The following RYR2 variants were observed in gnomAD, a reference collection of about 807,000 sequenced individuals.
The protein encoded by RYR2 is cardiac muscle ryanodine receptor-calcium release channel.
RYR2 carries 227 observed loss-of-function variants against 601.1 expected under a neutral mutation model. That is an observed-to-expected ratio of 0.38 (90% CI 0.34 to 0.42). The LOEUF (loss-of-function observed/expected upper bound fraction) is 0.42. Among genes scored for constraint, RYR2 ranks in the 10% least tolerant of loss-of-function variants. The probability of loss-of-function intolerance (pLI) is 1.00; values close to 1 mark genes in which losing one functional copy is unlikely to be tolerated. For synonymous variants in RYR2, 2,223 were observed against 2,175.1 expected (o/e 1.02, Z -0.61); for missense variants, 4,646 against 6,156.5 (o/e 0.75, Z 8.21).
chr1:237,153,597 G>A (rs987395395), intron 1 of RYR2, among the ~76,000 whole-genome samples: 4 of 109,580 alleles, frequency 3.7e-5, no homozygotes. Flanking sequence ...TGTATGTGTA[G>A]CATTTTTTTT....
chr1:237,783,529 TATAA>T, intron 89 of RYR2, 142 bp from the exon 90 acceptor site: 4 of 593,138 alleles, frequency 6.7e-6, no homozygotes, highest in Non-Finnish European at 9.0e-6. Flanking sequence ...AACTATAGTT[TATAA>T]ATAATTATCT....
Position 237,778,738 on chromosome 1 carries a change from G to GTGTT in RYR2, c.11851_11854dup (p.Ala3952ValfsTer16). The GTGTT allele has an allele frequency of 6.2e-7, 1 of 1,610,540 alleles. No individual in the cohort carries two copies. Among genetic ancestry groups the GTGTT allele is most frequent in the Non-Finnish European group, 8.5e-7 (1 of 1,176,882 alleles). ...GGATGCTGTGGTCGGCTTTCTTCAT[G>GTGTT]TGTTTGCCCATATGCAGATGAAGCT... On this transcript the variant is annotated frameshift_variant, in exon 88 of 105. Transcript: ENST00000366574. LOFTEE classifies it high-confidence loss of function.
At chr1:237,633,813 C>T (rs1422721151) in intron 43 of RYR2, 103 bp downstream of exon 43, 2 of 1,123,590 alleles carry the variant, frequency 1.8e-6, no homozygotes, top group African/African-American at 3.2e-5. Context: ...CCTGAATAGA[C>T]ATTTCACAAA....
At chr1:237,404,808 A>G (rs1326108891) in intron 10 of RYR2, among the ~76,000 whole-genome samples, 4 of 152,204 alleles carry the variant, frequency 2.6e-5, no homozygotes, top group Non-Finnish European at 4.4e-5. Flanking sequence ...TTCTGCCATG[A>G]TTGATGAAGT....
At chr1:237,389,306 TA>T (rs1463284501) in intron 10 of RYR2, among the ~76,000 whole-genome samples, 2 of 152,094 alleles carry the variant, frequency 1.3e-5, no homozygotes, top group African/African-American at 4.8e-5. Flanking sequence ...CCAGAGTGAT[TA>T]GGGGGAAAAT....
At chr1:237,238,342 G>T (rs1336457040) in intron 1 of RYR2, among the ~76,000 whole-genome samples, 1 of 152,048 alleles carries the variant, frequency 6.6e-6, no homozygotes. Flanking sequence ...CAACAGCTTC[G>T]AGTTGTCCAG....
At chr1:237,493,516 G>A (rs1244913428) in intron 19 of RYR2, among the ~76,000 whole-genome samples, 2 of 152,022 alleles carry the variant, frequency 1.3e-5, no homozygotes, top group African/African-American at 2.4e-5. Flanking sequence ...GCAGTGGCAC[G>A]ATCTCGGCTC....
rs71180022 is a variant in RYR2, at chr1:237,395,533, C to CTTTTTTTTTT, written c.773+7372_773+7381dup. Among the ~76,000 whole-genome samples the CTTTTTTTTTT allele has an allele frequency of 1.0e-3, 91 of 87,416 alleles. 3 individuals are homozygous for CTTTTTTTTTT. Among genetic ancestry groups the CTTTTTTTTTT allele is most frequent in the Non-Finnish European group, 1.4e-3 (67 of 46,734 alleles). The allele number at this position is 87,416 out of a possible 152,430, so 57.3% of individuals were successfully genotyped here. A position where few individuals can be genotyped will look rare whatever the true frequency, so the allele number is the denominator to read the frequency against. On this transcript the variant is annotated intron_variant, in intron 10 of 104. Transcript: ENST00000366574. The stretch of plus-strand genomic sequence containing the variant: ...AGGACACGTCCGCTAGTAGGACTGT[C>CTTTTTTTTTT]TTTTTTTTTTTTTTTTTTTTTTTTT...
At chr1:237,090,828 C>G (rs962990297) in intron 1 of RYR2, among the ~76,000 whole-genome samples, 2 of 152,160 alleles carry the variant, frequency 1.3e-5, no homozygotes, top group African/African-American at 4.8e-5. Flanking sequence ...CCAAGGGTTT[C>G]AAGAGGAAGG....
intron 16 of RYR2, among the ~76,000 whole-genome samples, chr1:237,461,929 A>T (rs1659528740): frequency 6.6e-6 from 1 of 152,114 alleles, no homozygotes; most frequent in Non-Finnish European, 1.5e-5. Flanking sequence ...AACAAATACA[A>T]CTTTATATTG....
At position 237,495,078 on chromosome 1, in the gene RYR2, T is replaced by C. The variant is rs142277375; in HGVS notation, c.1962-1433T>C. Among the ~76,000 whole-genome samples, 1,029 of 152,252 alleles carry C rather than the reference T, an allele frequency of 6.8e-3. 33 individuals are homozygous for C. The highest frequency in any genetic ancestry group is 0.052 in the Admixed American group (797 of 15,274). On this transcript the variant is annotated intron_variant, in intron 19 of 104. Coordinates refer to ENST00000366574, the MANE Select transcript of RYR2 (RefSeq NM_001035.3). ...TGCTGGGATTACAGGTGTGAGCCAC[T>C]GCACCCAGCTAATGTGTTTTTTAAA... is the stretch of plus-strand genomic sequence containing the variant.
In RYR2 at chr1:237,225,298, C is replaced by T. The variant is rs115681163; in HGVS notation, c.49-45199C>T. Among the ~76,000 whole-genome samples the T allele has an allele frequency of 6.1e-3, 928 of 152,250 alleles. 8 individuals are homozygous for T. Among genetic ancestry groups the T allele is most frequent in the African/African-American group, 0.021 (891 of 41,546 alleles). On this transcript the variant is annotated intron_variant, in intron 1 of 104. Transcript: ENST00000366574. ...AAAGTTGAGGATGCCCACCTGTATT[C>T]GTCCGTTTTCGCGCTGCTCATAAAG...
rs112234734 is a variant in RYR2 at position 237,497,015 on chromosome 1, A to T, written c.2203+263A>T. Among the ~76,000 whole-genome samples, 438 of 152,346 alleles carry T rather than the reference A, an allele frequency of 2.9e-3. 1 individual carries two copies. Among genetic ancestry groups the T allele is most frequent in the Non-Finnish European group, 5.2e-3 (357 of 68,042 alleles). Reference sequence around the variant, plus strand: ...TGTATTTAAAGAGTAGATTTAAATAAGAGTGTATTGCTTAGGAACAATACT... The same window carrying T: ...TGTATTTAAAGAGTAGATTTAAATATGAGTGTATTGCTTAGGAACAATACT... On this transcript the variant is annotated intron_variant, in intron 20 of 104. Coordinates refer to ENST00000366574, the MANE Select transcript of RYR2 (RefSeq NM_001035.3).
rs566786721 is a variant in RYR2, at chr1:237,450,520, C to G, written c.1293-3871C>G. Among the ~76,000 whole-genome samples the G allele has an allele frequency of 3.4e-5, 5 of 146,260 alleles. No individual in the cohort carries two copies. The East Asian group carries it at 1.0e-3, about 31-fold the overall frequency. ...GTTTTCGTGTTTGTTTGGTCCCTGC[C>G]CCGCCACTCCCCATTATACTTTGTT... On this transcript the variant is annotated intron_variant, in intron 14 of 104. Coordinates refer to ENST00000366574, the MANE Select transcript of RYR2 (RefSeq NM_001035.3).
intron 92 of RYR2, among the ~76,000 whole-genome samples, chr1:237,789,529 TATAGGTCATGGCTGCAGGTATAGTTCTA>T (rs1658100478): frequency 3.2e-5 from 4 of 125,354 alleles, no homozygotes; most frequent in Admixed American, 2.2e-4. Flanking sequence ...ATAGTTCTAT[TATAGGTCATGGCTGCAGGTATAGTTCTA>T]TTATAGGTCA....
In RYR2 at chr1:237,601,869, A is replaced by G. The variant is rs151210214; in HGVS notation, c.4597-156A>G. 5.6e-3 allele frequency among the ~76,000 whole-genome samples: 848 copies of G among 152,318 alleles called. 8 individuals carry two copies. The highest frequency in any genetic ancestry group is 0.019 in the African/African-American group (803 of 41,584). On this transcript the variant is annotated intron_variant, in intron 34 of 104. Coordinates refer to ENST00000366574, the MANE Select transcript of RYR2 (RefSeq NM_001035.3). ...CAAGCAGTGTTCACATAGTAATGAA[A>G]TACTCTAATTCTTGAAGGAGCACAT... is the stretch of plus-strand genomic sequence containing the variant.
chr1:237,405,181 G>A (rs991049027), intron 10 of RYR2, among the ~76,000 whole-genome samples: 2 of 152,200 alleles, frequency 1.3e-5, no homozygotes, highest in African/African-American at 2.4e-5. Context: ...ATCACCTTGG[G>A]AATGAGGACA....
chr1:237,701,720 C>G (rs925303160), intron 65 of RYR2, among the ~76,000 whole-genome samples: 3 of 151,878 alleles, frequency 2.0e-5, no homozygotes, highest in Non-Finnish European at 4.4e-5. Context: ...TTATTCTCCT[C>G]TCTATGTCCA....
intron 1 of RYR2, among the ~76,000 whole-genome samples, chr1:237,164,438 G>A (rs1676410029): frequency 6.6e-6 from 1 of 152,206 alleles, no homozygotes; most frequent in East Asian, 1.9e-4. Flanking sequence ...TGCACAGTAG[G>A]TTTGGGCTCT....
Sources: allele counts gnomAD v4.1 joint callset (sites outside exome capture counted in the v4.1 genomes callset), GRCh38; gene constraint gnomAD v4.1.1; transcripts MANE v1.5; gene names NCBI Gene and HGNC (gene_info 2026-07-23, HGNC 2026-07-21).